SCIMP: variants seen among roughly 807,000 people sequenced by gnomAD.
SCIMP encodes SLP adaptor and CSK interacting membrane protein.
In SCIMP, 18 loss-of-function variants were observed where a neutral mutation model predicts 22.0. The observed-to-expected ratio is 0.82, with a 90% CI of 0.56 to 1.21. The LOEUF (loss-of-function observed/expected upper bound fraction) is 1.21, where lower values mean the gene tolerates loss of function less well. Among genes scored for constraint, SCIMP ranks in the 50% most tolerant of loss-of-function variants. SCIMP has a pLI of 0.00. For synonymous variants in SCIMP, 53 were observed against 62.2 expected, an observed-to-expected ratio of 0.85 and a Z score of 0.70; for missense variants, 155 against 171.2, an observed-to-expected ratio of 0.91 and a Z score of 0.53.
intron 2 of SCIMP, among the ~76,000 whole-genome samples, chr17:5,222,588 G>T (rs1014858352): frequency 2.0e-5 from 3 of 152,174 alleles, no homozygotes; most frequent in African/African-American, 7.2e-5. Context: ...TTCAGAGTAT[G>T]GTCTCAGAGA....
intron 1 of SCIMP, among the ~76,000 whole-genome samples, chr17:5,230,658 C>T (rs1254975817): frequency 1.3e-5 from 2 of 152,158 alleles, no homozygotes; most frequent in Non-Finnish European, 2.9e-5. Context: ...CAGTGGCTCA[C>T]ACTTGTAATC....
chr17:5,213,147 A>C, intron 4 of SCIMP: 6 of 984,604 alleles, frequency 6.1e-6, no homozygotes, highest in Non-Finnish European at 7.2e-6. Context: ...GTGACACCCC[A>C]TGTTTCTTTC....
intron 1 of SCIMP, among the ~76,000 whole-genome samples, chr17:5,229,173 A>G (rs1363977258): frequency 2.0e-5 from 3 of 152,050 alleles, no homozygotes; most frequent in African/African-American, 7.2e-5. Context: ...TTCAAGGAAC[A>G]TGAGTGAGCC....
intron 3 of SCIMP, among the ~76,000 whole-genome samples, chr17:5,216,098 G>A (rs1023806254): frequency 1.3e-5 from 2 of 152,082 alleles, no homozygotes; most frequent in African/African-American, 4.8e-5. Context: ...AGCTACTCAG[G>A]AGACTGAAGC....
In SCIMP at chr17:5,209,993, C is replaced by T. The variant is rs2074515227; in HGVS notation, c.*808G>A. ...ACATGCCCCTTTTCTTTCCTGTTCC[C>T]CATGATTTGTCCTGGGGGAAATGTA... On this transcript the variant is annotated 3_prime_UTR_variant, in exon 5 of 5. Transcript: ENST00000574081. 6.6e-6 allele frequency: 1 copy of T among 152,130 alleles called. No homozygotes were observed. Among genetic ancestry groups the T allele is most frequent in the Non-Finnish European group, 1.5e-5 (1 of 68,038 alleles). The allele number at this position is 152,130 out of a possible 1,614,324, so 9.4% of individuals were successfully genotyped here. A position where few individuals can be genotyped will look rare whatever the true frequency, so the allele number is the denominator to read the frequency against.
At chr17:5,232,143 G>A (rs2074702910) in intron 1 of SCIMP, among the ~76,000 whole-genome samples, 1 of 152,242 alleles carries the variant, frequency 6.6e-6, no homozygotes, top group Non-Finnish European at 1.5e-5. Flanking sequence ...AAGAGGAGGA[G>A]CTGATAGAAA....
chr17:5,219,527 C>T (rs2074590282), intron 3 of SCIMP, among the ~76,000 whole-genome samples: 1 of 151,858 alleles, frequency 6.6e-6, no homozygotes, highest in African/African-American at 2.4e-5. Flanking sequence ...GCTTAGGAAG[C>T]TGAGGCAGGA....
intron 2 of SCIMP, among the ~76,000 whole-genome samples, chr17:5,221,822 G>C (rs2074610060): frequency 6.6e-6 from 1 of 152,162 alleles, no homozygotes. Context: ...GCCCAGGCTG[G>C]AGTGCAGTGG....
intron 3 of SCIMP, among the ~76,000 whole-genome samples, chr17:5,218,941 A>G (rs1041464643): frequency 2.6e-5 from 4 of 152,164 alleles, no homozygotes; most frequent in Admixed American, 2.0e-4. Context: ...TTTGTTTTAG[A>G]TAGTGTGTAT....
At chr17:5,234,310 C>A (rs900821606) in intron 1 of SCIMP, among the ~76,000 whole-genome samples, 4 of 151,914 alleles carry the variant, frequency 2.6e-5, no homozygotes, top group Non-Finnish European at 5.9e-5. Flanking sequence ...ACAGTCAGTG[C>A]CTCGCTCCCA....
chr17:5,212,799 G>A (rs559369756), intron 4 of SCIMP, among the ~76,000 whole-genome samples: 10 of 152,212 alleles, frequency 6.6e-5, no homozygotes, highest in South Asian at 2.1e-4. Context: ...CTTAAGTATC[G>A]ACTGAGCCTC....
chr17:5,233,089 CA>C (rs1273613146), intron 1 of SCIMP, among the ~76,000 whole-genome samples: 1 of 152,142 alleles, frequency 6.6e-6, no homozygotes, highest in Admixed American at 6.6e-5. Context: ...CCCAAGTGTG[CA>C]TGGGGAAGTG....
chr17:5,211,062 T>C, intron 4 of SCIMP, 107 bp from the exon 5 acceptor site: 1 of 1,463,476 alleles, frequency 6.8e-7, no homozygotes, highest in African/African-American at 1.4e-5. Flanking sequence ...TTCCCACTTC[T>C]AGTGGGCCAG....
At chr17:5,218,051 G>T (rs909258622) in intron 3 of SCIMP, among the ~76,000 whole-genome samples, 3 of 151,784 alleles carry the variant, frequency 2.0e-5, no homozygotes, top group African/African-American at 7.2e-5. Flanking sequence ...TTTGAGACAG[G>T]GTCTCACTTT....
At chr17:5,233,156 C>A (rs925283093) in intron 1 of SCIMP, among the ~76,000 whole-genome samples, 6 of 152,168 alleles carry the variant, frequency 3.9e-5, no homozygotes, top group Admixed American at 3.3e-4. Context: ...TCTATACTTT[C>A]ACTTCTGGAA....
rs552635465 is a variant in SCIMP at position 5,221,307 on chromosome 17, T to C, written c.189A>G (p.Val63=). The C allele has an allele frequency of 6.2e-7, 1 of 1,613,486 alleles. No individual in the cohort carries two copies. Among genetic ancestry groups the C allele is most frequent in the South Asian group, 1.1e-5 (1 of 91,072 alleles). ...CTTACTCATACATCTTTTCTTCATCTACTTGCTTGTGTTTCAGGGGCTTGG... is the reference window on the plus strand; with the variant it reads ...CTTACTCATACATCTTTTCTTCATCCACTTGCTTGTGTTTCAGGGGCTTGG... ...EIAKPLKHKQ[V]DEEKMYENVL... The change falls in exon 3 of 5, where the codon GTA becomes GTG. Residue 63 remains valine, a synonymous_variant. Coordinates refer to ENST00000574081, the MANE Select transcript of SCIMP (RefSeq NM_207103.3).
intron 1 of SCIMP, 135 bp from the exon 2 acceptor site, chr17:5,223,591 G>A: frequency 1.3e-6 from 1 of 794,968 alleles, no homozygotes; most frequent in Non-Finnish European, 2.1e-6. Flanking sequence ...CGCCCAGGCT[G>A]GAGTGCAATG....
intron 2 of SCIMP, 76 bp downstream of exon 2, chr17:5,223,257 T>A: frequency 2.0e-6 from 3 of 1,513,058 alleles, no homozygotes; most frequent in Non-Finnish European, 2.7e-6. Flanking sequence ...ATTGATTTGC[T>A]TGCCCTAAAG....
At chr17:5,234,271 C>T (rs529120325) in intron 1 of SCIMP, among the ~76,000 whole-genome samples, 3 of 152,212 alleles carry the variant, frequency 2.0e-5, no homozygotes, top group East Asian at 1.9e-4. Flanking sequence ...AACTCCATCT[C>T]AAAATAAAAT....
Sources: allele counts gnomAD v4.1 joint callset (sites outside exome capture counted in the v4.1 genomes callset), GRCh38; gene constraint gnomAD v4.1.1; transcripts MANE v1.5; gene names NCBI Gene and HGNC (gene_info 2026-07-23, HGNC 2026-07-21).